The following ASPRV1 variants were observed in gnomAD, a reference collection of about 807,000 sequenced individuals.
ASPRV1 encodes the protein aspartic peptidase retroviral like 1.
Under a neutral mutation model 11.0 loss-of-function variants are expected in ASPRV1, and 7 were observed. That is an observed-to-expected ratio of 0.64 (90% CI 0.36 to 1.20). The LOEUF (loss-of-function observed/expected upper bound fraction) is 1.20. Ranked by LOEUF, ASPRV1 falls within the 50% of genes most tolerant of loss-of-function variation. The pLI, the probability that ASPRV1 is intolerant of heterozygous loss-of-function variation, is 0.02. For synonymous variants in ASPRV1, 136 were observed against 138.4 expected, an observed-to-expected ratio of 0.98 and a Z score of 0.12; for missense variants, 299 against 320.0, an observed-to-expected ratio of 0.93 and a Z score of 0.50.
the ASPRV1 span, among the ~76,000 whole-genome samples, chr2:69,999,350 C>T: frequency 0.22 from 33,602 of 151,746 alleles, 6,469 homozygotes; most frequent in African/African-American, 0.48. Context: ...ATAAATTCTG[C>T]AGCGGAAGTA....
At chr2:70,001,318 C>T in the ASPRV1 span, among the ~76,000 whole-genome samples, 1 of 152,142 alleles carries the variant, frequency 6.6e-6, no homozygotes, top group Non-Finnish European at 1.5e-5. Context: ...TACTTGAACT[C>T]AGGAGTTCAA....
At chr2:70,013,269 A>G in the ASPRV1 span, among the ~76,000 whole-genome samples, 19 of 152,210 alleles carry the variant, frequency 1.2e-4, no homozygotes, top group Non-Finnish European at 2.4e-4. Flanking sequence ...ACTGATATGG[A>G]TTCAACTAAT....
At chr2:70,040,596 G>A in the ASPRV1 span, among the ~76,000 whole-genome samples, 1 of 152,144 alleles carries the variant, frequency 6.6e-6, no homozygotes, top group East Asian at 1.9e-4. Context: ...AGCACTTTGG[G>A]AGGCCGAGGC....
At chr2:70,075,679 T>G in the ASPRV1 span, among the ~76,000 whole-genome samples, 22 of 152,074 alleles carry the variant, frequency 1.4e-4, no homozygotes, top group African/African-American at 5.3e-4. Context: ...AAACCCTGTC[T>G]CTACTAAAAA....
the ASPRV1 span, among the ~76,000 whole-genome samples, chr2:70,056,839 T>A: frequency 0.53 from 80,660 of 150,984 alleles, 25,042 homozygotes; most frequent in African/African-American, 0.86. Context: ...GGTTCAAGTG[T>A]TTCTCCCGTC....
the ASPRV1 span, among the ~76,000 whole-genome samples, chr2:70,072,425 TAAAA>T: frequency 6.9e-6 from 1 of 144,816 alleles, no homozygotes; most frequent in Non-Finnish European, 1.5e-5. Context: ...CTCTTAAAAA[TAAAA>T]AAAGGCCAGG....
chr2:70,023,622 C>T, the ASPRV1 span, among the ~76,000 whole-genome samples: 3 of 147,502 alleles, frequency 2.0e-5, no homozygotes, highest in Non-Finnish European at 4.4e-5. Flanking sequence ...TGCAGTGAGC[C>T]AAGAATGCAG....
chr2:70,007,592 T>C, the ASPRV1 span, among the ~76,000 whole-genome samples: 2 of 151,580 alleles, frequency 1.3e-5, no homozygotes, highest in East Asian at 1.9e-4. Flanking sequence ...TGAATATATA[T>C]ATAATAGAAA....
At chr2:70,069,188 C>G in the ASPRV1 span, 1 of 152,248 alleles carries the variant, frequency 6.6e-6, no homozygotes, top group African/African-American at 2.4e-5. Context: ...CACAGTCACA[C>G]ACTAGACAGC....
chr2:70,023,786 T>C, the ASPRV1 span, among the ~76,000 whole-genome samples: 1 of 152,352 alleles, frequency 6.6e-6, no homozygotes, highest in African/African-American at 2.4e-5. Context: ...TTTGGATTGT[T>C]GGTCTTTTTA....
chr2:69,946,865 C>T, the ASPRV1 span, among the ~76,000 whole-genome samples: 1 of 152,096 alleles, frequency 6.6e-6, no homozygotes, highest in East Asian at 1.9e-4. Flanking sequence ...AAGGTCAAAA[C>T]GACCCTAAGA....
chr2:70,060,691 C>T, the ASPRV1 span, among the ~76,000 whole-genome samples: 1 of 152,186 alleles, frequency 6.6e-6, no homozygotes, highest in South Asian at 2.1e-4. Context: ...TGGCACATGC[C>T]TGTAATCCCA....
At chr2:69,948,567 G>A in the ASPRV1 span, among the ~76,000 whole-genome samples, 1 of 152,356 alleles carries the variant, frequency 6.6e-6, no homozygotes. Context: ...GGGATCAGTG[G>A]AGGCTCCGGG....
At chr2:69,949,448 T>A in the ASPRV1 span, among the ~76,000 whole-genome samples, 8 of 152,130 alleles carry the variant, frequency 5.3e-5, no homozygotes, top group African/African-American at 1.9e-4. Context: ...TTGATCACCA[T>A]CGGAATTGTA....
chr2:70,039,558 C>T, the ASPRV1 span, among the ~76,000 whole-genome samples: 2 of 152,194 alleles, frequency 1.3e-5, no homozygotes, highest in African/African-American at 4.8e-5. Context: ...ACATGAGGTT[C>T]CACAGTGATT....
At chr2:70,025,032 C>T in the ASPRV1 span, among the ~76,000 whole-genome samples, 146 of 152,302 alleles carry the variant, frequency 9.6e-4, no homozygotes, top group African/African-American at 3.4e-3. Context: ...TATATAAACA[C>T]TATTGTGTCT....
chr2:70,084,560 G>C, the ASPRV1 span, among the ~76,000 whole-genome samples: 3 of 152,244 alleles, frequency 2.0e-5, no homozygotes, highest in Non-Finnish European at 2.9e-5. Context: ...AGGAGGTTTT[G>C]TGAGGATTAA....
the ASPRV1 span, among the ~76,000 whole-genome samples, chr2:69,950,615 G>C: frequency 1.3e-5 from 2 of 152,106 alleles, no homozygotes; most frequent in Non-Finnish European, 2.9e-5. Context: ...GCCAAGGCGG[G>C]TGGATCACTT....
At chr2:70,039,643 C>T in the ASPRV1 span, among the ~76,000 whole-genome samples, 1 of 152,184 alleles carries the variant, frequency 6.6e-6, no homozygotes, top group African/African-American at 2.4e-5. Flanking sequence ...ATATGCCCCA[C>T]CTCTTCTCCA....
Sources: allele counts gnomAD v4.1 joint callset (sites outside exome capture counted in the v4.1 genomes callset), GRCh38; gene constraint gnomAD v4.1.1; transcripts MANE v1.5; gene names NCBI Gene and HGNC (gene_info 2026-07-23, HGNC 2026-07-21).